Variants in CENPS observed in about 807,000 individuals in gnomAD.
CENPS encodes FANCM associated histone fold protein 1.
Under a neutral mutation model 17.9 loss-of-function variants are expected in CENPS, and 16 were observed. That is an observed-to-expected ratio of 0.90 (90% CI 0.61 to 1.36). The LOEUF (loss-of-function observed/expected upper bound fraction) is 1.36, where lower values mean the gene tolerates loss of function less well. Among genes scored for constraint, CENPS ranks in the 40% most tolerant of loss-of-function variants. CENPS has a pLI of 0.00. For missense variants in CENPS, 160 were observed against 158.6 expected (o/e 1.01, Z -0.05); for synonymous variants, 49 against 55.8 (o/e 0.88, Z 0.54).
intron 1 of CENPS, chr1:10,431,337 C>T: frequency 6.5e-7 from 1 of 1,535,336 alleles, no homozygotes; most frequent in East Asian, 2.4e-5. Flanking sequence ...TACACTGCAG[C>T]AGCTGTCTAC....
At chr1:10,432,643 A>G (rs115686223) in intron 1 of CENPS, among the ~76,000 whole-genome samples, 1,567 of 152,032 alleles carry the variant, frequency 0.01, 25 homozygotes, top group African/African-American at 0.036. Context: ...GGAGGGGAGG[A>G]GGAGGAGGAG....
At chr1:10,434,090 G>A in intron 2 of CENPS, 125 bp downstream of exon 2, 3 of 1,508,274 alleles carry the variant, frequency 2.0e-6, no homozygotes, top group Non-Finnish European at 2.7e-6. Flanking sequence ...TCATCCTCAT[G>A]CGTTCTTCGT....
chr1:10,441,917 A>G (rs1205498726), intron 4 of CENPS, among the ~76,000 whole-genome samples: 2 of 151,864 alleles, frequency 1.3e-5, no homozygotes, highest in South Asian at 2.1e-4. Context: ...GAGCCACCGC[A>G]CCCGACCTCT....
At position 10,433,942 on chromosome 1, in the gene CENPS, C is replaced by T. The variant is rs771382657; in HGVS notation, c.152C>T (p.Ser51Leu). 11 of 1,614,060 alleles carry T rather than the reference C, an allele frequency of 6.8e-6. No individual in the cohort carries two copies. Among genetic ancestry groups the T allele is most frequent in the East Asian group, 4.5e-5 (2 of 44,900 alleles). Residue 51 changes from serine to leucine, a missense_variant, in exon 2 of 5, where the codon TCG becomes TTG. Ser to Leu is a moderately radical substitution (Grantham distance 145). Transcript: ENST00000309048. ...AGCAAACAGACCATTGCGGCCATTT[C>T]GGAGCTGACTTTCCGACAGTGTGGT... is the stretch of plus-strand genomic sequence containing the variant. ...QFSKQTIAAI[S>L]ELTFRQCENF...
chr1:10,434,489 C>A (rs182150960), intron 2 of CENPS, among the ~76,000 whole-genome samples, 168 bp from the exon 3 acceptor site: 16 of 152,262 alleles, frequency 1.1e-4, no homozygotes, highest in African/African-American at 3.6e-4. Flanking sequence ...AAGCTACAGG[C>A]TCTTATGGAA....
rs1407202903 is a variant in CENPS at position 10,442,211 on chromosome 1, T to G, written c.277-54T>G. 20 of 1,536,866 alleles carry G rather than the reference T, an allele frequency of 1.3e-5. No individual in the cohort carries two copies. The Admixed American group carries it at 4.8e-4, about 37-fold the overall frequency. On this transcript the variant is annotated intron_variant, in intron 4 of 4. Coordinates refer to ENST00000309048, the MANE Select transcript of CENPS (RefSeq NM_199294.3). ...GGTTTAGTTTCGTTTGTTTGTTTAT[T>G]TAGGTTTATAAAATGGTTACAGCCA...
rs2124296152 is a variant in CENPS at position 10,442,512 on chromosome 1, A to G, written c.*107A>G. 1 of 1,359,970 alleles carries G rather than the reference A, an allele frequency of 7.4e-7. No homozygotes were observed. Among genetic ancestry groups the G allele is most frequent in the African/African-American group, 1.5e-5 (1 of 66,072 alleles). The allele number at this position is 1,359,970 out of a possible 1,614,324, so 84.2% of individuals were successfully genotyped here. ...GGGTTAAATAGAGATTTAAAAAAAT[A>G]AAATAAAAAGGCTGGGCTAGGGTGC... On this transcript the variant is annotated 3_prime_UTR_variant, in exon 5 of 5. Coordinates refer to ENST00000309048, the MANE Select transcript of CENPS (RefSeq NM_199294.3).
chr1:10,431,373 C>T, intron 1 of CENPS: 2 of 1,535,348 alleles, frequency 1.3e-6, no homozygotes, highest in Middle Eastern at 1.7e-4. Context: ...TTGAGAAGTT[C>T]AAACCTTCAG....
At chr1:10,439,483 C>T (rs568918377) in intron 3 of CENPS, among the ~76,000 whole-genome samples, 1 of 152,280 alleles carries the variant, frequency 6.6e-6, no homozygotes, top group South Asian at 2.1e-4. Flanking sequence ...CTTGGTGGCT[C>T]ACGCCTGTAA....
chr1:10,437,710 G>GC (rs1374013847), intron 3 of CENPS, among the ~76,000 whole-genome samples: 1 of 149,840 alleles, frequency 6.7e-6, no homozygotes, highest in African/African-American at 2.5e-5. Context: ...ACCCACCTCG[G>GC]CCAGCCAAAG....
Position 10,440,373 on chromosome 1 carries a change from C to T in CENPS, c.236C>T (p.Thr79Ile), listed in dbSNP as rs1353433052. 1 of 1,614,028 alleles carries T rather than the reference C, an allele frequency of 6.2e-7. No homozygotes were observed. Among genetic ancestry groups the T allele is most frequent in the Admixed American group, 1.7e-5 (1 of 59,970 alleles). ...CATGCGAAAAGAACCACAATTAACA[C>T]TGAAGATGTGAAGCTCTTAGCCAGG... ...ARHAKRTTIN[T>I]EDVKLLARRS... The change falls in exon 4 of 5, where the codon ACT (threonine) becomes ATT (isoleucine). Residue 79 changes from threonine to isoleucine, a missense_variant. Physicochemically the swap from Thr to Ile is moderately conservative, Grantham distance 89 (BLOSUM62 -1). Coordinates refer to ENST00000309048, the MANE Select transcript of CENPS (RefSeq NM_199294.3).
At chr1:10,433,369 G>C (rs1640009685) in intron 1 of CENPS, among the ~76,000 whole-genome samples, 1 of 152,202 alleles carries the variant, frequency 6.6e-6, no homozygotes, top group African/African-American at 2.4e-5. Context: ...TGTCCTCTGT[G>C]ACGTGCAGGC....
In CENPS at chr1:10,433,954, T is replaced by C; in HGVS notation, c.164T>C (p.Phe55Ser). The C allele has an allele frequency of 6.2e-7, 1 of 1,614,206 alleles. No individual in the cohort carries two copies. The change falls in exon 2 of 5, where the codon TTC becomes TCC. Residue 55 changes from phenylalanine to serine, a missense_variant. By Grantham distance (155) the Phe-to-Ser change is radical. Transcript: ENST00000309048. ...QTIAAISELT[F>S]RQCENFAKDL... ...ATTGCGGCCATTTCGGAGCTGACTT[T>C]CCGACAGTGTGGTATGAAGCTTCGG...
At chr1:10,433,986 C>T in intron 2 of CENPS, 21 bp downstream of exon 2, 1 of 1,613,930 alleles carries the variant, frequency 6.2e-7, no homozygotes, top group Non-Finnish European at 8.5e-7. Context: ...TCGGCCTCCC[C>T]AGCCATGTCT....
chr1:10,440,281 C>T (rs1402383687), intron 3 of CENPS, 66 bp from the exon 4 acceptor site: 24 of 1,587,580 alleles, frequency 1.5e-5, no homozygotes, highest in Admixed American at 5.3e-5. Flanking sequence ...CCGTGAACTT[C>T]TGTGTTTCAT....
At chr1:10,434,092 G>A (rs1640044922) in intron 2 of CENPS, 127 bp downstream of exon 2, 19 of 1,500,812 alleles carry the variant, frequency 1.3e-5, no homozygotes, top group Admixed American at 4.2e-5. Flanking sequence ...ATCCTCATGC[G>A]TTCTTCGTGA....
In CENPS at chr1:10,436,732, G is replaced by T. The variant is rs200525429; in HGVS notation, c.209+2042G>T. 1.4e-5 allele frequency among the ~76,000 whole-genome samples: 2 copies of T among 140,752 alleles called. 1 individual carries two copies. The highest frequency in any genetic ancestry group is 1.4e-4 in the Admixed American group (2 of 13,846). 92.3% of individuals were successfully genotyped at this position (140,752 alleles called of 152,430 possible). Reference sequence around the variant, plus strand: ...TTAAAAAAAAAAAAAGAAAAGAAAAGAAAAAAAAAAGTTTGTGGAAACGCT... The same window carrying T: ...TTAAAAAAAAAAAAAGAAAAGAAAATAAAAAAAAAAGTTTGTGGAAACGCT... On this transcript the variant is annotated intron_variant, in intron 3 of 4. Coordinates refer to ENST00000309048, the MANE Select transcript of CENPS (RefSeq NM_199294.3).
intron 4 of CENPS, 93 bp downstream of exon 4, chr1:10,440,506 C>G: frequency 2.0e-6 from 3 of 1,516,178 alleles, no homozygotes; most frequent in South Asian, 1.3e-5. Flanking sequence ...TTCCCCAGGG[C>G]ACCTTGCATT....
In CENPS at chr1:10,442,483, T is replaced by G. The variant is rs1158091581; in HGVS notation, c.*78T>G. 3 of 1,440,722 alleles carry G rather than the reference T, an allele frequency of 2.1e-6. No homozygotes were observed. Among genetic ancestry groups the G allele is most frequent in the Non-Finnish European group, 9.1e-7 (1 of 1,099,200 alleles). 89.2% of individuals were successfully genotyped at this position (1,440,722 alleles called of 1,614,324 possible). A position where few individuals can be genotyped will look rare whatever the true frequency, so the allele number is the denominator to read the frequency against. ...ATGCATATGGCTGCAAAGGAAACTT[T>G]GAAGGGTTAAATAGAGATTTAAAAA... On this transcript the variant is annotated 3_prime_UTR_variant, in exon 5 of 5. Coordinates refer to ENST00000309048, the MANE Select transcript of CENPS (RefSeq NM_199294.3).
Sources: gnomAD v4.1 joint callset for allele counts (sites outside exome capture counted in the v4.1 genomes callset) on GRCh38, gnomAD v4.1.1 for gene constraint, MANE v1.5 for transcripts, NCBI Gene and HGNC (gene_info 2026-07-23, HGNC 2026-07-21) for gene names.